Variants in KCNG2 observed in about 807,000 individuals in gnomAD.
KCNG2 encodes voltage-gated potassium channel regulatory subunit KCNG2.
A neutral mutation model predicts 12.3 loss-of-function variants in KCNG2; 7 were observed. That is an observed-to-expected ratio of 0.57 (90% confidence interval 0.32 to 1.07). The LOEUF is 1.07. KCNG2 is among the 50% of genes least tolerant of loss of function. The pLI is 0.04. For synonymous variants in KCNG2, 414 were observed against 351.4 expected (o/e 1.18, Z -1.99); for missense variants, 703 against 726.0 (o/e 0.97, Z 0.36).
chr18:79,853,960 G>C (rs1230804191), intron 1 of KCNG2, among the ~76,000 whole-genome samples: 1 of 152,264 alleles, frequency 6.6e-6, no homozygotes, highest in Non-Finnish European at 1.5e-5. Context: ...GGTCCAGCCT[G>C]TGAAACAGCA....
intron 1 of KCNG2, among the ~76,000 whole-genome samples, chr18:79,829,586 C>G (rs1293545744): frequency 2.0e-5 from 3 of 152,066 alleles, no homozygotes; most frequent in African/African-American, 7.2e-5. Flanking sequence ...TATGGCTGGT[C>G]AGTCTCTGCC....
At chr18:79,894,235 G>A (rs539034608) in intron 3 of KCNG2, among the ~76,000 whole-genome samples, 61 of 151,596 alleles carry the variant, frequency 4.0e-4, no homozygotes, top group Admixed American at 1.6e-3. Context: ...CACATCTAAT[G>A]GTTCAATTGA....
chr18:79,802,696 T>A (rs762005916), intron 1 of KCNG2, among the ~76,000 whole-genome samples: 22 of 151,006 alleles, frequency 1.5e-4, no homozygotes, highest in Non-Finnish European at 2.9e-4. Context: ...GGTTCTAGCG[T>A]GCATCTGTTA....
At chr18:79,898,033 C>T (rs1438623582) in intron 3 of KCNG2, among the ~76,000 whole-genome samples, 1 of 152,162 alleles carries the variant, frequency 6.6e-6, no homozygotes, top group Non-Finnish European at 1.5e-5. Context: ...GCTGTCTTCT[C>T]CCCTCATTCC....
chr18:79,850,240 C>T (rs1365475252), intron 1 of KCNG2, among the ~76,000 whole-genome samples: 1 of 152,240 alleles, frequency 6.6e-6, no homozygotes, highest in Non-Finnish European at 1.5e-5. Context: ...AAGCCCCTCC[C>T]TCTCTCTAAT....
At chr18:79,898,379 C>T (rs1206385129) in intron 3 of KCNG2, among the ~76,000 whole-genome samples, 1 of 152,186 alleles carries the variant, frequency 6.6e-6, no homozygotes, top group Non-Finnish European at 1.5e-5. Context: ...GCAGTCAGGC[C>T]CTGCCTTCTC....
rs1173872091 is a variant in KCNG2, at chr18:79,884,188, A to G, written c.625-14852A>G. ...AGCTCAGCTCCCCAGCACAGCACAG[A>G]AGCTGCAGGGGCTCCGTCCCCATGC... On this transcript the variant is annotated intron_variant, in intron 3 of 3. Coordinates refer to ENST00000316249, the MANE Select transcript of KCNG2 (RefSeq NM_012283.2). The surrounding 1 kb of genome is among the most constrained non-coding windows in gnomAD (Gnocchi z 5.5). Among the ~76,000 whole-genome samples the G allele has an allele frequency of 1.3e-5, 2 of 151,952 alleles. No individual in the cohort carries two copies. The highest frequency in any genetic ancestry group is 1.3e-4 in the Admixed American group (2 of 15,278).
Position 79,839,133 on chromosome 18 carries a change from A to G in KCNG2, c.-114-17246A>G, listed in dbSNP as rs532985914. Among the ~76,000 whole-genome samples the G allele has an allele frequency of 3.9e-5, 6 of 152,284 alleles. No individual in the cohort carries two copies. In the South Asian group the frequency reaches 1.2e-3, roughly 32 times the overall value. ...CAAGACCCCACCTCTACAAAAATAT[A>G]AATTTAAAAATAAATTAGCAGAATA... On this transcript the variant is annotated intron_variant, in intron 1 of 3. Transcript: ENST00000316249.
chr18:79,838,409 A>G (rs1236970021), intron 1 of KCNG2, among the ~76,000 whole-genome samples: 2 of 151,752 alleles, frequency 1.3e-5, no homozygotes, highest in East Asian at 3.9e-4. Flanking sequence ...TGGGCCAAAC[A>G]AGTCTTTTTT....
intron 1 of KCNG2, among the ~76,000 whole-genome samples, chr18:79,838,833 A>G (rs1978377008): frequency 6.6e-6 from 1 of 152,252 alleles, no homozygotes; most frequent in South Asian, 2.1e-4. Context: ...ATTAGAAAAA[A>G]GGAAAAACCT....
rs954340043 is a variant in KCNG2 at position 79,800,025 on chromosome 18, T to C, written c.-115+2011T>C. Among the ~76,000 whole-genome samples the C allele has an allele frequency of 6.6e-6, 1 of 152,222 alleles. No individual in the cohort carries two copies. Among genetic ancestry groups the C allele is most frequent in the Non-Finnish European group, 1.5e-5 (1 of 68,044 alleles). On this transcript the variant is annotated intron_variant, in intron 1 of 3. Transcript: ENST00000316249. This position sits in a 1 kb window ranked among gnomAD's most constrained non-coding sequence, Gnocchi z 4.0. ...GATCTGCGCAGCTTTGTTGTTCTTT[T>C]GTCTGATGGTTGGGGGCTGCTTTTC...
At chr18:79,832,902 G>A (rs1333334853) in intron 1 of KCNG2, among the ~76,000 whole-genome samples, 2 of 152,180 alleles carry the variant, frequency 1.3e-5, no homozygotes, top group East Asian at 1.9e-4. Flanking sequence ...GGTAGATCAC[G>A]GTGAGCCTTG....
At chr18:79,885,757 G>T (rs548291025) in intron 3 of KCNG2, among the ~76,000 whole-genome samples, 3 of 152,150 alleles carry the variant, frequency 2.0e-5, no homozygotes, top group Non-Finnish European at 4.4e-5. Context: ...TGCCTGTGGG[G>T]ACACAGGGAC....
At chr18:79,878,928 T>C (rs1484820469) in intron 3 of KCNG2, among the ~76,000 whole-genome samples, 1 of 152,242 alleles carries the variant, frequency 6.6e-6, no homozygotes, top group Non-Finnish European at 1.5e-5. Flanking sequence ...GCTTCTGTTA[T>C]CCCAGCAACA....
chr18:79,818,757 A>G (rs950016378), intron 1 of KCNG2, among the ~76,000 whole-genome samples: 1 of 152,172 alleles, frequency 6.6e-6, no homozygotes, highest in Admixed American at 6.5e-5. Context: ...GGCAGAAATG[A>G]CTGGGAGGCA....
At chr18:79,887,780 G>C (rs1980583954) in intron 3 of KCNG2, among the ~76,000 whole-genome samples, 1 of 152,206 alleles carries the variant, frequency 6.6e-6, no homozygotes, top group African/African-American at 2.4e-5. Flanking sequence ...TCGGGGCTCG[G>C]GGGGTGGCTC....
intron 3 of KCNG2, among the ~76,000 whole-genome samples, chr18:79,877,008 G>A (rs575520653): frequency 1.3e-5 from 2 of 152,346 alleles, no homozygotes; most frequent in South Asian, 2.1e-4. Context: ...GAACTGACAC[G>A]TCTGCTTCGG....
chr18:79,840,423 T>G (rs993938192), intron 1 of KCNG2, among the ~76,000 whole-genome samples: 5 of 152,194 alleles, frequency 3.3e-5, no homozygotes, highest in Admixed American at 2.6e-4. Flanking sequence ...TATAGAACTT[T>G]AATGCTGAAG....
chr18:79,833,146 G>GT (rs1189940746), intron 1 of KCNG2, among the ~76,000 whole-genome samples: 1 of 151,120 alleles, frequency 6.6e-6, no homozygotes, highest in Admixed American at 6.6e-5. Flanking sequence ...GGTTTTTTTT[G>GT]TTTTTTTGAG....
Sources: gnomAD v4.1 joint callset for allele counts (sites outside exome capture counted in the v4.1 genomes callset) on GRCh38, gnomAD v4.1.1 for gene constraint, Gnocchi (gnomAD v3.1) non-coding constraint, MANE v1.5 for transcripts, NCBI Gene and HGNC (gene_info 2026-07-23, HGNC 2026-07-21) for gene names.